HS3ST4: variants seen among roughly 807,000 people sequenced by gnomAD.
The protein encoded by HS3ST4 is heparan sulfate-glucosamine 3-sulfotransferase 4, also known as heparan sulfate glucosamine 3-O-sulfotransferase 4.
Under a neutral mutation model 29.2 loss-of-function variants are expected in HS3ST4, and 17 were observed. That is an observed-to-expected ratio of 0.58 (90% confidence interval 0.40 to 0.87). The LOEUF is 0.87. Among genes scored for constraint, HS3ST4 ranks in the 40% least tolerant of loss-of-function variants. HS3ST4 has a pLI of 0.00. For missense variants in HS3ST4, 627 were observed against 634.5 expected, an observed-to-expected ratio of 0.99 and a Z score of 0.13; for synonymous variants, 314 against 285.7, an observed-to-expected ratio of 1.10 and a Z score of -1.00.
intron 1 of HS3ST4, among the ~76,000 whole-genome samples, chr16:25,929,179 C>T (rs1056373524): frequency 6.6e-6 from 1 of 151,942 alleles, no homozygotes; most frequent in Non-Finnish European, 1.5e-5. Flanking sequence ...GTCAAGAGAT[C>T]GAGACCATCC....
intron 1 of HS3ST4, among the ~76,000 whole-genome samples, chr16:26,026,038 A>G (rs1160036192): frequency 6.6e-6 from 1 of 151,462 alleles, no homozygotes; most frequent in Non-Finnish European, 1.5e-5. Context: ...CCTCCTAAGT[A>G]GCTGGGACTA....
chr16:25,911,498 T>G (rs1968239017), intron 1 of HS3ST4, among the ~76,000 whole-genome samples: 2 of 57,186 alleles, frequency 3.5e-5, no homozygotes, highest in Admixed American at 1.4e-4. Flanking sequence ...GTTGTGTGGT[T>G]TTTTTTTTTT....
intron 1 of HS3ST4, among the ~76,000 whole-genome samples, chr16:26,041,643 G>A (rs1231668934): frequency 6.6e-6 from 1 of 152,066 alleles, no homozygotes; most frequent in Admixed American, 6.6e-5. Flanking sequence ...AAGTCTCTGT[G>A]GCAACTACTC....
intron 1 of HS3ST4, among the ~76,000 whole-genome samples, chr16:26,020,202 G>A (rs1378800962): frequency 6.6e-6 from 1 of 152,160 alleles, no homozygotes; most frequent in African/African-American, 2.4e-5. Flanking sequence ...TTGACAGTGG[G>A]AACAGAGAGA....
chr16:25,719,129 G>A (rs1966476640), intron 1 of HS3ST4, among the ~76,000 whole-genome samples: 1 of 152,192 alleles, frequency 6.6e-6, no homozygotes. Context: ...TTAACATCGT[G>A]AGAGCTAGGA....
intron 1 of HS3ST4, among the ~76,000 whole-genome samples, chr16:26,088,889 T>G (rs1382336017): frequency 1.3e-5 from 2 of 152,204 alleles, no homozygotes; most frequent in South Asian, 2.1e-4. Flanking sequence ...CAACATTAAT[T>G]TTTTCATGGG....
chr16:25,750,457 G>A (rs757240127), intron 1 of HS3ST4, among the ~76,000 whole-genome samples: 2 of 152,180 alleles, frequency 1.3e-5, no homozygotes, highest in Non-Finnish European at 2.9e-5. Context: ...GGACTTTGCA[G>A]CTATGCTTTA....
chr16:26,058,512 G>A lies in HS3ST4; in HGVS notation c.735-77100G>A, dbSNP rs954959007. On this transcript the variant is annotated intron_variant, in intron 1 of 1. Coordinates refer to ENST00000331351, the MANE Select transcript of HS3ST4 (RefSeq NM_006040.3). The stretch of plus-strand genomic sequence containing the variant: ...CTCACAGGCACAGCAGGAGGTGAAC[G>A]GCTCTGTGGAGCCTGTGGCTAAAAG... Among the ~76,000 whole-genome samples, 10 of 152,112 alleles carry A rather than the reference G, an allele frequency of 6.6e-5. 1 individual carries two copies. In the South Asian group the frequency reaches 1.5e-3, roughly 22 times the overall value.
intron 1 of HS3ST4, among the ~76,000 whole-genome samples, chr16:25,731,339 A>AT (rs1377617110): frequency 6.6e-6 from 1 of 151,982 alleles, no homozygotes; most frequent in Admixed American, 6.6e-5. Context: ...AGATACTCTT[A>AT]TTTTTTCTTT....
At chr16:25,824,558 T>C (rs1967197471) in intron 1 of HS3ST4, among the ~76,000 whole-genome samples, 1 of 152,186 alleles carries the variant, frequency 6.6e-6, no homozygotes, top group Non-Finnish European at 1.5e-5. Context: ...ACGTATTCAC[T>C]ATCAAGAGAA....
chr16:25,904,659 T>G (rs1968162258), intron 1 of HS3ST4, among the ~76,000 whole-genome samples: 2 of 152,174 alleles, frequency 1.3e-5, no homozygotes, highest in Non-Finnish European at 2.9e-5. Flanking sequence ...TCAATATAGC[T>G]TGGTAATCAA....
intron 1 of HS3ST4, among the ~76,000 whole-genome samples, chr16:26,030,224 A>G (rs1969519449): frequency 6.6e-6 from 1 of 152,194 alleles, no homozygotes; most frequent in Non-Finnish European, 1.5e-5. Context: ...TTACATAAAT[A>G]CACAATCCCT....
chr16:26,128,841 GTTTC>G (rs1899380047), intron 1 of HS3ST4, among the ~76,000 whole-genome samples: 1 of 152,036 alleles, frequency 6.6e-6, no homozygotes, highest in Admixed American at 6.6e-5. Flanking sequence ...TGAATTTTGA[GTTTC>G]TTTCTTCTGT....
At chr16:25,856,191 T>C (rs1221830897) in intron 1 of HS3ST4, among the ~76,000 whole-genome samples, 3 of 152,120 alleles carry the variant, frequency 2.0e-5, no homozygotes, top group Non-Finnish European at 2.9e-5. Context: ...ATATTTGGTC[T>C]GTGTTTTGGC....
At chr16:26,023,173 T>G (rs190132617) in intron 1 of HS3ST4, among the ~76,000 whole-genome samples, 5 of 152,336 alleles carry the variant, frequency 3.3e-5, no homozygotes, top group Non-Finnish European at 5.9e-5. Context: ...CGTAATGATT[T>G]TCATTGTTAA....
intron 1 of HS3ST4, among the ~76,000 whole-genome samples, chr16:26,015,481 G>C (rs1969354315): frequency 6.6e-6 from 1 of 152,184 alleles, no homozygotes; most frequent in African/African-American, 2.4e-5. Flanking sequence ...TCTATGTCCA[G>C]AGTTTTTATT....
intron 1 of HS3ST4, among the ~76,000 whole-genome samples, chr16:25,957,768 T>C (rs1009764908): frequency 3.3e-5 from 5 of 152,288 alleles, no homozygotes; most frequent in East Asian, 1.9e-4. Flanking sequence ...ACTTCTACCA[T>C]GAATAAAGGA....
At chr16:25,925,703 G>A (rs1451941650) in intron 1 of HS3ST4, among the ~76,000 whole-genome samples, 2 of 152,168 alleles carry the variant, frequency 1.3e-5, no homozygotes, top group Non-Finnish European at 2.9e-5. Flanking sequence ...AGTAAGCTCG[G>A]ATGTGTCTTT....
At chr16:26,000,079 C>A (rs1969200071) in intron 1 of HS3ST4, among the ~76,000 whole-genome samples, 1 of 151,298 alleles carries the variant, frequency 6.6e-6, no homozygotes, top group Admixed American at 6.6e-5. Context: ...GAGCCTTCAG[C>A]AACACAGATC....
Sources: allele counts gnomAD v4.1 joint callset (sites outside exome capture counted in the v4.1 genomes callset), GRCh38; gene constraint gnomAD v4.1.1; transcripts MANE v1.5; gene names NCBI Gene and HGNC (gene_info 2026-07-23, HGNC 2026-07-21).